The following SQLE variants were observed in gnomAD, a reference collection of about 807,000 sequenced individuals.
SQLE encodes the protein squalene epoxidase, also known as squalene monooxygenase.
A neutral mutation model predicts 60.7 loss-of-function variants in SQLE; 29 were observed. That is an observed-to-expected ratio of 0.48 (90% confidence interval 0.36 to 0.65). The LOEUF (loss-of-function observed/expected upper bound fraction) is 0.65, where lower values mean the gene tolerates loss of function less well. SQLE is among the 30% of genes least tolerant of loss of function. The probability of loss-of-function intolerance (pLI) is 0.00; values close to 1 mark genes in which losing one functional copy is unlikely to be tolerated. For synonymous variants in SQLE, 237 were observed against 246.8 expected (o/e 0.96, Z 0.37); for missense variants, 605 against 684.1 (o/e 0.88, Z 1.29).
chr8:125,010,339 G>C (rs1815019395), intron 6 of SQLE, among the ~76,000 whole-genome samples: 1 of 152,078 alleles, frequency 6.6e-6, no homozygotes, highest in Non-Finnish European at 1.5e-5. Context: ...AAGTTTTCAT[G>C]GTACAGTTTT....
intron 6 of SQLE, among the ~76,000 whole-genome samples, chr8:125,009,672 G>A (rs1815009584): frequency 6.6e-6 from 1 of 152,008 alleles, no homozygotes; most frequent in South Asian, 2.1e-4. Flanking sequence ...GTGCATGCCT[G>A]TAATCCCAGC....
intron 2 of SQLE, 49 bp from the exon 3 acceptor site, chr8:125,005,476 G>T (rs141866303): frequency 2.1e-6 from 3 of 1,448,464 alleles, no homozygotes; most frequent in East Asian, 2.5e-5. Context: ...TTAGTTTAAC[G>T]CTGGGTGTGT....
intron 1 of SQLE, among the ~76,000 whole-genome samples, chr8:125,002,209 A>C (rs925574357): frequency 4.4e-4 from 67 of 152,334 alleles, no homozygotes; most frequent in African/African-American, 1.6e-3. Context: ...AAACAAGTCA[A>C]ATCTAAGAGT....
intron 2 of SQLE, among the ~76,000 whole-genome samples, chr8:125,004,005 C>G (rs1024805423): frequency 6.6e-6 from 1 of 152,092 alleles, no homozygotes; most frequent in African/African-American, 2.4e-5. Context: ...GACCTAATCA[C>G]CTTCTAAAGG....
At chr8:125,007,249 AAAT>A in intron 3 of SQLE, 139 bp from the exon 4 acceptor site, 1 of 454,864 alleles carries the variant, frequency 2.2e-6, no homozygotes, top group Non-Finnish European at 3.8e-6. Context: ...ATAAATTAGA[AAAT>A]AAAAAACACA....
intron 7 of SQLE, among the ~76,000 whole-genome samples, chr8:125,015,593 T>A (rs1185026609): frequency 6.6e-6 from 1 of 152,202 alleles, no homozygotes; most frequent in Non-Finnish European, 1.5e-5. Context: ...TCATATCTTA[T>A]AACCGATTAT....
intron 2 of SQLE, among the ~76,000 whole-genome samples, chr8:125,003,700 A>C (rs1164130804): frequency 6.6e-6 from 1 of 152,206 alleles, no homozygotes; most frequent in African/African-American, 2.4e-5. Context: ...TCCTAGAATG[A>C]GGGCATTAAA....
chr8:125,011,864 G>C (rs558971502), intron 7 of SQLE, among the ~76,000 whole-genome samples: 2 of 151,080 alleles, frequency 1.3e-5, no homozygotes, highest in African/African-American at 4.9e-5. Context: ...TTGACCTAGA[G>C]AAGGCAATTT....
rs566151729 is a variant in SQLE, at chr8:124,998,537, G to A, written c.-867G>A. 1.3e-4 allele frequency: 90 copies of A among 670,598 alleles called. No individual in the cohort carries two copies. The highest frequency in any genetic ancestry group is 1.0e-4 in the Non-Finnish European group (37 of 370,326). The allele number at this position is 670,598 out of a possible 1,614,324, so 41.5% of individuals were successfully genotyped here. A position where few individuals can be genotyped will look rare whatever the true frequency, so the allele number is the denominator to read the frequency against. On this transcript the variant is annotated 5_prime_UTR_variant, in exon 1 of 11. It adds an upstream start codon to the 5' untranslated region. Transcript: ENST00000265896. ...GTGGAGCCTGGCGGCGAGTGGGGGC[G>A]TGCGACGGTTACTCTGGTTACTGGG... is the stretch of plus-strand genomic sequence containing the variant.
intron 1 of SQLE, among the ~76,000 whole-genome samples, chr8:125,001,449 GGTGTGTGTGTGTGTGTGTGTGTGTGTGT>G (rs57946751): frequency 7.3e-6 from 1 of 136,960 alleles, no homozygotes; most frequent in Admixed American, 7.7e-5. Context: ...CTCCTTTCAG[GGTGTGTGTGTGTGTGTGTGTGTGTGTGT>G]GTGTGTGTGT....
In SQLE at chr8:125,005,613, T is replaced by C. The variant is rs780246393; in HGVS notation, c.633T>C (p.Pro211=). 1 of 1,612,382 alleles carries C rather than the reference T, an allele frequency of 6.2e-7. No homozygotes were observed. The highest frequency in any genetic ancestry group is 1.1e-5 in the South Asian group (1 of 90,814). ...ESKSEVQIPY[P]LSENNQVQSG... Reference sequence around the variant, plus strand: ...AATCAGAGGTTCAGATTCCTTACCCTCTGTCAGAAAACAATCAAGTGCAGA... The same window carrying C: ...AATCAGAGGTTCAGATTCCTTACCCCCTGTCAGAAAACAATCAAGTGCAGA... Residue 211 remains proline, a synonymous_variant, in exon 3 of 11, where the codon CCT becomes CCC. Transcript: ENST00000265896.
chr8:125,009,891 C>T (rs1157020821), intron 6 of SQLE, among the ~76,000 whole-genome samples: 1 of 151,946 alleles, frequency 6.6e-6, no homozygotes, highest in Non-Finnish European at 1.5e-5. Context: ...TAAAGGTAGT[C>T]TCTGGACACG....
At chr8:125,015,976 GCT>G (rs34660433) in intron 7 of SQLE, among the ~76,000 whole-genome samples, 58,097 of 151,714 alleles carry the variant, frequency 0.38, 13,086 homozygotes, top group African/African-American at 0.62. Context: ...ACATACTAGA[GCT>G]CCATTGTTTG....
In SQLE at chr8:125,016,346, C is replaced by A. The variant is rs1229330664; in HGVS notation, c.1205-1713C>A. ...TATTTTCAAATAGCCTGTTTTCAAG[C>A]TTACTAATTCTTTCTTCTGCTTGAT... On this transcript the variant is annotated intron_variant, in intron 7 of 10. Transcript: ENST00000265896. This position sits in a 1 kb window ranked among gnomAD's most constrained non-coding sequence, Gnocchi z 4.1. Among the ~76,000 whole-genome samples, 1 of 152,016 alleles carries A rather than the reference C, an allele frequency of 6.6e-6. No individual in the cohort carries two copies. Among genetic ancestry groups the A allele is most frequent in the Non-Finnish European group, 1.5e-5 (1 of 67,996 alleles).
chr8:125,007,547 TA>T, intron 4 of SQLE, 60 bp downstream of exon 4: 1 of 1,188,816 alleles, frequency 8.4e-7, no homozygotes, highest in Non-Finnish European at 1.2e-6. Flanking sequence ...CTTTTTCACT[TA>T]CCCCTTTAAA....
At chr8:125,013,317 A>G (rs1322110818) in intron 7 of SQLE, among the ~76,000 whole-genome samples, 1 of 150,448 alleles carries the variant, frequency 6.6e-6, no homozygotes, top group African/African-American at 2.4e-5. Flanking sequence ...GCTTTGTCCA[A>G]TCTAAGTTCA....
intron 9 of SQLE, chr8:125,018,979 C>T (rs117768149): frequency 5.1e-6 from 2 of 388,640 alleles, no homozygotes; most frequent in East Asian, 1.3e-4. Flanking sequence ...TTGAATTCCT[C>T]TGGTGCAGAC....
intron 1 of SQLE, among the ~76,000 whole-genome samples, 173 bp from the exon 2 acceptor site, chr8:125,003,002 TC>T (rs1283404504): frequency 6.6e-6 from 1 of 152,234 alleles, no homozygotes; most frequent in Non-Finnish European, 1.5e-5. Context: ...TATTTTGATA[TC>T]ATTGATTTTT....
intron 4 of SQLE, among the ~76,000 whole-genome samples, chr8:125,008,617 G>A (rs1814994401): frequency 6.6e-6 from 1 of 152,190 alleles, no homozygotes. Flanking sequence ...ATTTTAGAAT[G>A]AAAGAATCTG....
Sources: allele counts gnomAD v4.1 joint callset (sites outside exome capture counted in the v4.1 genomes callset), GRCh38; gene constraint gnomAD v4.1.1; non-coding constraint Gnocchi (gnomAD v3.1); transcripts MANE v1.5; gene names NCBI Gene and HGNC (gene_info 2026-07-23, HGNC 2026-07-21).